The following POLH variants were observed in gnomAD, a reference collection of about 807,000 sequenced individuals.
The protein encoded by POLH is DNA polymerase eta transcript.
In POLH, 53 loss-of-function variants were observed where a neutral mutation model predicts 73.6. The observed-to-expected ratio is 0.72, with a 90% CI of 0.58 to 0.91. POLH has a LOEUF of 0.91. Among genes scored for constraint, POLH ranks in the 40% least tolerant of loss-of-function variants. POLH has a pLI of 0.00. For missense variants in POLH, 768 were observed against 865.4 expected, an observed-to-expected ratio of 0.89 and a Z score of 1.41; for synonymous variants, 292 against 308.5, an observed-to-expected ratio of 0.95 and a Z score of 0.56.
Position 43,613,918 on chromosome 6 carries a change from T to TA in POLH, c.1504dup (p.Thr502AsnfsTer28). On this transcript the variant is annotated frameshift_variant, in exon 11 of 11. Transcript: ENST00000372236. LOFTEE classifies it high-confidence loss of function. The stretch of plus-strand genomic sequence containing the variant: ...TTAAAGAAGCTTCGCTTTCATCTCT[T>TA]ACTGCTCCCACTCAGGCTCCCATGA... 6.2e-7 allele frequency: 1 copy of TA among 1,613,872 alleles called. No homozygotes were observed. Among genetic ancestry groups the TA allele is most frequent in the Non-Finnish European group, 8.5e-7 (1 of 1,180,044 alleles).
chr6:43,582,126 A>C lies in POLH; in HGVS notation c.-4-190A>C, dbSNP rs924889165. 2.6e-5 allele frequency among the ~76,000 whole-genome samples: 4 copies of C among 152,158 alleles called. No homozygotes were observed. In the East Asian group the frequency reaches 7.7e-4, roughly 29 times the overall value. On this transcript the variant is annotated intron_variant, in intron 1 of 10. Transcript: ENST00000372236. ...AAATTTGAAAAAAATGCAAAATCTC[A>C]AGCACTTTGGATCCCAGCCATTTCA... is the stretch of plus-strand genomic sequence containing the variant.
chr6:43,589,213 A>G (rs1010715338), intron 4 of POLH, among the ~76,000 whole-genome samples: 1 of 152,118 alleles, frequency 6.6e-6, no homozygotes, highest in Non-Finnish European at 1.5e-5. Context: ...TTTGTAATTG[A>G]TGGCTTCGAT....
intron 4 of POLH, among the ~76,000 whole-genome samples, chr6:43,590,121 G>A (rs1765278943): frequency 6.6e-6 from 1 of 151,774 alleles, no homozygotes; most frequent in Admixed American, 6.6e-5. Flanking sequence ...CACTTTGGGA[G>A]GCCGAGGTGG....
chr6:43,618,665 T>C lies in POLH; in HGVS notation c.*4108T>C, dbSNP rs972356556. Reference sequence around the variant, plus strand: ...ATTTTTTTATGTGACGGAGTTTCTCTCATCGCCCCGGCTGGAATGCAATGG... The same window carrying C: ...ATTTTTTTATGTGACGGAGTTTCTCCCATCGCCCCGGCTGGAATGCAATGG... On this transcript the variant is annotated 3_prime_UTR_variant, in exon 11 of 11. Coordinates refer to ENST00000372236, the MANE Select transcript of POLH (RefSeq NM_006502.3). 1.3e-5 allele frequency among the ~76,000 whole-genome samples: 2 copies of C among 152,022 alleles called. No individual in the cohort carries two copies. Among genetic ancestry groups the C allele is most frequent in the African/African-American group, 2.4e-5 (1 of 41,392 alleles).
chr6:43,584,305 T>G (rs1344571179), intron 3 of POLH, among the ~76,000 whole-genome samples: 1 of 152,146 alleles, frequency 6.6e-6, no homozygotes, highest in Non-Finnish European at 1.5e-5. Context: ...CTAATTCTAA[T>G]TCTATGAATT....
At chr6:43,579,775 C>T (rs559550427) in intron 1 of POLH, among the ~76,000 whole-genome samples, 2 of 152,142 alleles carry the variant, frequency 1.3e-5, no homozygotes, top group South Asian at 2.1e-4. Flanking sequence ...ATGTCAGACT[C>T]GAATTGGAGG....
intron 9 of POLH, among the ~76,000 whole-genome samples, chr6:43,609,848 A>G (rs915795480): frequency 3.3e-5 from 5 of 152,222 alleles, no homozygotes; most frequent in African/African-American, 1.2e-4. Context: ...AGACACCATG[A>G]AAAACATTTA....
chr6:43,606,050 A>G (rs1767251403), intron 9 of POLH, among the ~76,000 whole-genome samples: 1 of 151,798 alleles, frequency 6.6e-6, no homozygotes. Flanking sequence ...AGCACATTTT[A>G]TTGTGTATAT....
At chr6:43,592,858 C>G (rs1234924347) in intron 4 of POLH, among the ~76,000 whole-genome samples, 7 of 152,144 alleles carry the variant, frequency 4.6e-5, no homozygotes, top group African/African-American at 1.2e-4. Context: ...TTTCTTTTCC[C>G]TTTGTTTTTT....
At position 43,614,889 on chromosome 6, in the gene POLH, G is replaced by GC. The variant is rs1171724426; in HGVS notation, c.*332_*333insC. 1 of 281,268 alleles carries GC rather than the reference G, an allele frequency of 3.6e-6. No individual in the cohort carries two copies. Among genetic ancestry groups the GC allele is most frequent in the Non-Finnish European group, 6.7e-6 (1 of 149,334 alleles). 17.4% of individuals were successfully genotyped at this position (281,268 alleles called of 1,614,324 possible). ...CTCTGGTTATTGCAATGAGGGCCTTGAACAAGTCATTTTCTTCACATTCTC... is the reference window on the plus strand; with the variant it reads ...CTCTGGTTATTGCAATGAGGGCCTTGCAACAAGTCATTTTCTTCACATTCTC... On this transcript the variant is annotated 3_prime_UTR_variant, in exon 11 of 11. Coordinates refer to ENST00000372236, the MANE Select transcript of POLH (RefSeq NM_006502.3).
At chr6:43,589,768 C>T (rs909620573) in intron 4 of POLH, among the ~76,000 whole-genome samples, 2 of 151,518 alleles carry the variant, frequency 1.3e-5, no homozygotes, top group African/African-American at 4.9e-5. Context: ...AACAATCCTC[C>T]CACCTCAGCC....
In POLH at chr6:43,587,568, A is replaced by G. The variant is rs1764968610; in HGVS notation, c.490+79A>G. ...CTTGGTCATGCTGATTCTCCTTGGA[A>G]TAATTGAAAGGAAACTTAAACTACA... On this transcript the variant is annotated intron_variant, in intron 4 of 10. Coordinates refer to ENST00000372236, the MANE Select transcript of POLH (RefSeq NM_006502.3). 5 of 986,506 alleles carry G rather than the reference A, an allele frequency of 5.1e-6. No individual in the cohort carries two copies. In the Admixed American group the frequency reaches 9.4e-5, roughly 19 times the overall value. 61.1% of individuals were successfully genotyped at this position (986,506 alleles called of 1,614,324 possible). A position where few individuals can be genotyped will look rare whatever the true frequency, so the allele number is the denominator to read the frequency against.
At chr6:43,610,476 C>T in intron 9 of POLH, 78 bp from the exon 10 acceptor site, 3 of 1,190,956 alleles carry the variant, frequency 2.5e-6, no homozygotes, top group African/African-American at 3.0e-5. Context: ...CTTTTAATTT[C>T]CTCTCCTGCA....
At chr6:43,596,456 C>G (rs904457673) in intron 4 of POLH, among the ~76,000 whole-genome samples, 3 of 151,952 alleles carry the variant, frequency 2.0e-5, no homozygotes, top group African/African-American at 7.3e-5. Flanking sequence ...GCACTCCAGC[C>G]TGGGTGACAG....
chr6:43,607,293 C>A (rs915120621), intron 9 of POLH, among the ~76,000 whole-genome samples: 1 of 152,148 alleles, frequency 6.6e-6, no homozygotes, highest in African/African-American at 2.4e-5. Flanking sequence ...TAGGGTTTCA[C>A]CATGTTGGCC....
chr6:43,583,252 T>A (rs1764480787), intron 3 of POLH, 111 bp downstream of exon 3: 10 of 984,888 alleles, frequency 1.0e-5, no homozygotes, highest in Non-Finnish European at 1.5e-5. Context: ...CGGAAAAAAT[T>A]CTTTTTGGTT....
rs541270951 is a variant in POLH, at chr6:43,619,011, C to T, written c.*4454C>T. Reference sequence around the variant, plus strand: ...TGAAGAGGTGGGGAAGATTTGAAAACCACTAGATTTACCAGGAAATTTTTT... The same window carrying T: ...TGAAGAGGTGGGGAAGATTTGAAAATCACTAGATTTACCAGGAAATTTTTT... On this transcript the variant is annotated 3_prime_UTR_variant, in exon 11 of 11. Transcript: ENST00000372236. 6.6e-6 allele frequency among the ~76,000 whole-genome samples: 1 copy of T among 151,372 alleles called. No individual in the cohort carries two copies. The highest frequency in any genetic ancestry group is 2.1e-4 in the South Asian group (1 of 4,788).
chr6:43,581,601 G>T (rs1031572044), intron 1 of POLH, among the ~76,000 whole-genome samples: 2 of 149,390 alleles, frequency 1.3e-5, no homozygotes, highest in Admixed American at 1.3e-4. Flanking sequence ...GCTGCCTCCC[G>T]GGCGGCGCTC....
At chr6:43,593,408 C>G (rs1765684361) in intron 4 of POLH, among the ~76,000 whole-genome samples, 1 of 152,172 alleles carries the variant, frequency 6.6e-6, no homozygotes, top group African/African-American at 2.4e-5. Flanking sequence ...AGTTGGAAGA[C>G]ATACTACCTG....
Sources: gnomAD v4.1 joint callset for allele counts (sites outside exome capture counted in the v4.1 genomes callset) on GRCh38, gnomAD v4.1.1 for gene constraint, MANE v1.5 for transcripts, NCBI Gene and HGNC (gene_info 2026-07-23, HGNC 2026-07-21) for gene names.